The following KIAA0825 variants were observed in gnomAD, a reference collection of about 807,000 sequenced individuals.
KIAA0825 encodes KIAA0825, also known as uncharacterized protein KIAA0825.
KIAA0825 carries 119 observed loss-of-function variants against 147.6 expected under a neutral mutation model. That is an observed-to-expected ratio of 0.81 (90% CI 0.69 to 0.94). KIAA0825 has a LOEUF of 0.94. Among genes scored for constraint, KIAA0825 ranks in the 40% least tolerant of loss-of-function variants. KIAA0825 has a pLI of 0.00. For synonymous variants in KIAA0825, 470 were observed against 518.1 expected (o/e 0.91, Z 1.26); for missense variants, 1,381 against 1,472.7 (o/e 0.94, Z 1.02).
intron 3 of KIAA0825, among the ~76,000 whole-genome samples, chr5:94,524,457 A>T (rs1469177492): frequency 6.6e-6 from 1 of 151,776 alleles, no homozygotes; most frequent in East Asian, 1.9e-4. Flanking sequence ...TTAGAAATAT[A>T]CATTATCTAC....
chr5:94,361,216 T>C (rs1745010050), intron 20 of KIAA0825, among the ~76,000 whole-genome samples: 1 of 152,214 alleles, frequency 6.6e-6, no homozygotes, highest in African/African-American at 2.4e-5. Flanking sequence ...TTTTTTCATA[T>C]TTAAAAATAA....
intron 20 of KIAA0825, among the ~76,000 whole-genome samples, chr5:94,259,903 G>A (rs1776414438): frequency 6.6e-6 from 1 of 151,288 alleles, no homozygotes; most frequent in Non-Finnish European, 1.5e-5. Context: ...GCCATTAATG[G>A]GCCATGTGGC....
At chr5:94,458,325 G>A (rs1476321894) in intron 12 of KIAA0825, among the ~76,000 whole-genome samples, 1 of 152,032 alleles carries the variant, frequency 6.6e-6, no homozygotes, top group African/African-American at 2.4e-5. Flanking sequence ...GTAAATACAT[G>A]GTAAAACAAA....
At chr5:94,241,679 T>A (rs1775353128) in intron 20 of KIAA0825, among the ~76,000 whole-genome samples, 1 of 152,192 alleles carries the variant, frequency 6.6e-6, no homozygotes, top group Non-Finnish European at 1.5e-5. Context: ...TTTGGGGAGT[T>A]TCAAAGAGGT....
At chr5:94,517,439 A>G (rs947491611) in intron 5 of KIAA0825, among the ~76,000 whole-genome samples, 6 of 152,146 alleles carry the variant, frequency 3.9e-5, no homozygotes, top group African/African-American at 1.4e-4. Context: ...TAGATGATAG[A>G]TGAATGATGG....
At chr5:94,381,245 A>G in intron 20 of KIAA0825, among the ~76,000 whole-genome samples, 1 of 152,168 alleles carries the variant, frequency 6.6e-6, no homozygotes, top group East Asian at 1.9e-4. Flanking sequence ...TGGACTTTAC[A>G]GTTTCCTTAC....
intron 20 of KIAA0825, among the ~76,000 whole-genome samples, chr5:94,312,598 A>C (rs539507790): frequency 6.6e-6 from 1 of 151,860 alleles, no homozygotes; most frequent in African/African-American, 2.4e-5. Context: ...TGTCAATAAT[A>C]TGGTGTAAAA....
At position 94,445,087 on chromosome 5, in the gene KIAA0825, T is replaced by C. The variant is rs183582287; in HGVS notation, c.2358-4966A>G. Among the ~76,000 whole-genome samples the C allele has an allele frequency of 2.0e-5, 3 of 152,244 alleles. No homozygotes were observed. In the East Asian group the frequency reaches 5.8e-4, roughly 29 times the overall value. On this transcript the variant is annotated intron_variant, in intron 13 of 20. Coordinates refer to ENST00000682413, the MANE Select transcript of KIAA0825 (RefSeq NM_001145678.3). ...ACAATACTGAATAACTCAGCCATCC[T>C]TTTGAGGAGCAGAAGTTAACTCCTT... is the stretch of plus-strand genomic sequence containing the variant.
chr5:94,525,811 A>G (rs1769169293), intron 3 of KIAA0825, among the ~76,000 whole-genome samples: 1 of 151,990 alleles, frequency 6.6e-6, no homozygotes, highest in Non-Finnish European at 1.5e-5. Context: ...GAGGCCAAAA[A>G]CTACAATTTA....
At chr5:94,277,469 A>T (rs1049839446) in intron 20 of KIAA0825, among the ~76,000 whole-genome samples, 26 of 152,322 alleles carry the variant, frequency 1.7e-4, no homozygotes, top group African/African-American at 6.0e-4. Flanking sequence ...GACACTTCTC[A>T]AAAGAAGACA....
chr5:94,192,157 A>C (rs930063691), intron 20 of KIAA0825, among the ~76,000 whole-genome samples: 1 of 152,238 alleles, frequency 6.6e-6, no homozygotes, highest in African/African-American at 2.4e-5. Context: ...TTCCCACGGG[A>C]AAGAAAATAA....
In KIAA0825 at chr5:94,421,870, A is replaced by C. The variant is rs192175887; in HGVS notation, c.2498-4505T>G. Among the ~76,000 whole-genome samples the C allele has an allele frequency of 5.6e-3, 858 of 152,238 alleles. 10 individuals carry two copies. Among genetic ancestry groups the C allele is most frequent in the Non-Finnish European group, 5.7e-3 (389 of 68,020 alleles). ...TGGACAGTAATCCTCAGCAGATTCC[A>C]GATGTTTCTAAGGTCTGTGCCCTGG... On this transcript the variant is annotated intron_variant, in intron 14 of 20. Coordinates refer to ENST00000682413, the MANE Select transcript of KIAA0825 (RefSeq NM_001145678.3).
In KIAA0825 at chr5:94,596,495, T is replaced by G. The variant is rs1457722244; in HGVS notation, c.-152-13912A>C. Among the ~76,000 whole-genome samples, 4 of 152,260 alleles carry G rather than the reference T, an allele frequency of 2.6e-5. No homozygotes were observed. The East Asian group carries it at 5.8e-4, about 22-fold the overall frequency. Reference sequence around the variant, plus strand: ...TTGGTTACTGTAGCCCTGTAGTAGTTTAAAACTGACTAACTTGATGCCTCT... The same window carrying G: ...TTGGTTACTGTAGCCCTGTAGTAGTGTAAAACTGACTAACTTGATGCCTCT... On this transcript the variant is annotated intron_variant, in intron 1 of 20. Coordinates refer to ENST00000682413, the MANE Select transcript of KIAA0825 (RefSeq NM_001145678.3).
At chr5:94,556,256 T>C (rs1049848807) in intron 2 of KIAA0825, among the ~76,000 whole-genome samples, 8 of 152,084 alleles carry the variant, frequency 5.3e-5, no homozygotes, top group African/African-American at 1.9e-4. Flanking sequence ...GTTTTTTGTA[T>C]GCTTCATAGA....
intron 9 of KIAA0825, among the ~76,000 whole-genome samples, chr5:94,470,750 G>A (rs944759287): frequency 6.6e-6 from 1 of 151,926 alleles, no homozygotes; most frequent in African/African-American, 2.4e-5. Context: ...ATATCACACT[G>A]CTTTCTTTCA....
intron 20 of KIAA0825, among the ~76,000 whole-genome samples, chr5:94,322,332 G>T (rs893852473): frequency 5.3e-5 from 8 of 151,572 alleles, no homozygotes; most frequent in African/African-American, 1.7e-4. Flanking sequence ...GGTTTTTTAG[G>T]TAAATAACCT....
intron 5 of KIAA0825, among the ~76,000 whole-genome samples, chr5:94,503,685 C>T (rs1005351656): frequency 2.0e-5 from 3 of 152,200 alleles, no homozygotes; most frequent in African/African-American, 7.2e-5. Flanking sequence ...CATACTCATG[C>T]TCATGCCTTA....
At chr5:94,417,065 A>G in intron 15 of KIAA0825, 136 bp downstream of exon 15, 1 of 774,350 alleles carries the variant, frequency 1.3e-6, no homozygotes, top group South Asian at 1.9e-5. Context: ...AAGGCTTTAT[A>G]CTGAAAAAAT....
At chr5:94,334,029 A>G (rs960489756) in intron 20 of KIAA0825, among the ~76,000 whole-genome samples, 8 of 152,174 alleles carry the variant, frequency 5.3e-5, no homozygotes, top group Non-Finnish European at 4.4e-5. Context: ...CTACTGCCCA[A>G]AGTAATTTAT....
Sources: gnomAD v4.1 joint callset for allele counts (sites outside exome capture counted in the v4.1 genomes callset) on GRCh38, gnomAD v4.1.1 for gene constraint, MANE v1.5 for transcripts, NCBI Gene and HGNC (gene_info 2026-07-23, HGNC 2026-07-21) for gene names.